DNMT1: variants seen among roughly 807,000 people sequenced by gnomAD.
DNMT1 encodes DNA methyltransferase 1.
In DNMT1, 24 loss-of-function variants were observed where a neutral mutation model predicts 205.3. The observed-to-expected ratio is 0.12, with a 90% CI of 0.08 to 0.16. The LOEUF is 0.16. Ranked by LOEUF, DNMT1 falls within the 10% of genes least tolerant of loss-of-function variation. DNMT1 has a pLI of 1.00. For synonymous variants in DNMT1, 817 were observed against 839.8 expected (o/e 0.97, Z 0.47); for missense variants, 1,293 against 2,177.7 (o/e 0.59, Z 8.09).
Position 10,159,826 on chromosome 19 carries a change from A to G in DNMT1, c.1170+16T>C, listed in dbSNP as rs776876831. The G allele has an allele frequency of 2.5e-6, 4 of 1,614,200 alleles. No individual in the cohort carries two copies. The highest frequency in any genetic ancestry group is 3.4e-6 in the Non-Finnish European group (4 of 1,180,034). On this transcript the variant is annotated intron_variant, in intron 16 of 40. Coordinates refer to ENST00000359526, the MANE Select transcript of DNMT1 (RefSeq NM_001130823.3). The surrounding 1 kb of genome is among the most constrained non-coding windows in gnomAD (Gnocchi z 5.0). The stretch of plus-strand genomic sequence containing the variant: ...AGGGACAGGCAGAGGAAGGCTGGGA[A>G]GAGAGCTGTACGTACCGCGTCTGGT...
chr19:10,136,980 G>T, intron 37 of DNMT1, 105 bp downstream of exon 37: 1 of 1,445,560 alleles, frequency 6.9e-7, no homozygotes, highest in Non-Finnish European at 9.5e-7. Context: ...ACCCAGGCTT[G>T]GTGTGTCTGT....
intron 22 of DNMT1, among the ~76,000 whole-genome samples, chr19:10,152,659 G>A (rs1416772490): frequency 6.6e-6 from 1 of 151,872 alleles, no homozygotes; most frequent in Non-Finnish European, 1.5e-5. Context: ...TACTTGGGAG[G>A]CTAAGGTGGG....
rs918984408 is a variant in DNMT1, at chr19:10,159,499, G to A, written c.1280+159C>T. On this transcript the variant is annotated intron_variant, in intron 17 of 40. Coordinates refer to ENST00000359526, the MANE Select transcript of DNMT1 (RefSeq NM_001130823.3). The surrounding 1 kb of genome is among the most constrained non-coding windows in gnomAD (Gnocchi z 5.0). ...GCTAGGATTACAGGCATGAGCCACCGCGCCCAGCCCTCCACGGTGGCTCTT... is the reference window on the plus strand; with the variant it reads ...GCTAGGATTACAGGCATGAGCCACCACGCCCAGCCCTCCACGGTGGCTCTT... 6.6e-5 allele frequency among the ~76,000 whole-genome samples: 10 copies of A among 152,120 alleles called. No individual in the cohort carries two copies. Among genetic ancestry groups the A allele is most frequent in the African/African-American group, 1.9e-4 (8 of 41,424 alleles).
chr19:10,188,416 T>C (rs1012499722), intron 1 of DNMT1, among the ~76,000 whole-genome samples: 2 of 152,126 alleles, frequency 1.3e-5, no homozygotes, highest in Non-Finnish European at 2.9e-5. Context: ...GGCTCACGCC[T>C]GTAATCCCAG....
intron 8 of DNMT1, among the ~76,000 whole-genome samples, 172 bp from the exon 9 acceptor site, chr19:10,173,346 C>T (rs898056897): frequency 7.2e-5 from 11 of 152,062 alleles, no homozygotes; most frequent in African/African-American, 2.4e-4. Context: ...ACACCTGGTT[C>T]GAATGCCAGC....
intron 1 of DNMT1, among the ~76,000 whole-genome samples, chr19:10,190,005 G>A (rs948471411): frequency 7.2e-5 from 11 of 152,070 alleles, no homozygotes; most frequent in Non-Finnish European, 1.0e-4. Context: ...TTAGCCATAC[G>A]GCTGGCAAGT....
At chr19:10,144,497 T>C (rs1280796014) in intron 28 of DNMT1, 2 of 196,854 alleles carry the variant, frequency 1.0e-5, no homozygotes, top group Non-Finnish European at 2.1e-5. Flanking sequence ...GCTACGGTGG[T>C]GGCTGACACT....
chr19:10,149,298 C>T (rs542077852), intron 26 of DNMT1, among the ~76,000 whole-genome samples, 155 bp downstream of exon 26: 36 of 149,802 alleles, frequency 2.4e-4, no homozygotes, highest in Admixed American at 2.1e-3. Context: ...GCACTCCAGC[C>T]TGGGCAACAA....
intron 11 of DNMT1, among the ~76,000 whole-genome samples, chr19:10,165,627 A>C (rs763712179): frequency 2.2e-4 from 33 of 152,116 alleles, no homozygotes; most frequent in South Asian, 4.1e-4. Context: ...TCCTGACCTC[A>C]AGTGATCCAC....
chr19:10,164,302 C>T (rs1452260330), intron 11 of DNMT1, among the ~76,000 whole-genome samples: 1 of 152,144 alleles, frequency 6.6e-6, no homozygotes, highest in African/African-American at 2.4e-5. Flanking sequence ...CGCCACCACA[C>T]CCAGCTAATT....
intron 1 of DNMT1, among the ~76,000 whole-genome samples, chr19:10,188,875 G>A (rs1159287597): frequency 6.6e-6 from 1 of 152,172 alleles, no homozygotes; most frequent in African/African-American, 2.4e-5. Flanking sequence ...TTTAGAACCA[G>A]TGAAGAAAAT....
At position 10,133,675 on chromosome 19, in the gene DNMT1, T is replaced by A; in HGVS notation, c.4891A>T (p.Lys1631Ter). Residue 1631 changes from lysine to a stop codon, truncating the protein, a stop_gained, in exon 41 of 41, where the codon AAG becomes TAG. Coordinates refer to ENST00000359526, the MANE Select transcript of DNMT1 (RefSeq NM_001130823.3). LOFTEE classifies it high-confidence loss of function. The surrounding 1 kb of genome is among the most constrained non-coding windows in gnomAD (Gnocchi z 4.1). ...SAKIKEEEAA[K>*]D ...GTGACGGGAGGGCAGAACTAGTCCT[T>A]AGCAGCTTCCTCCTCCTTTATTTTA... 1 of 1,599,342 alleles carries A rather than the reference T, an allele frequency of 6.3e-7. No individual in the cohort carries two copies.
At chr19:10,168,092 C>T (rs1256426766) in intron 10 of DNMT1, among the ~76,000 whole-genome samples, 1 of 151,972 alleles carries the variant, frequency 6.6e-6, no homozygotes, top group Non-Finnish European at 1.5e-5. Context: ...CACTGTACTC[C>T]AGCCTGGGTG....
chr19:10,183,645 G>A (rs887031881), intron 1 of DNMT1, among the ~76,000 whole-genome samples: 1 of 151,626 alleles, frequency 6.6e-6, no homozygotes, highest in Admixed American at 6.6e-5. Context: ...TGAGGGCCAA[G>A]GTGGGTGGAT....
At chr19:10,186,593 C>T (rs956769242) in intron 1 of DNMT1, among the ~76,000 whole-genome samples, 4 of 151,918 alleles carry the variant, frequency 2.6e-5, no homozygotes, top group African/African-American at 7.3e-5. Context: ...AATCCCAGCA[C>T]TTTGGGAGGC....
intron 10 of DNMT1, among the ~76,000 whole-genome samples, chr19:10,167,444 G>A (rs1413089071): frequency 6.6e-6 from 1 of 152,112 alleles, no homozygotes; most frequent in Non-Finnish European, 1.5e-5. Flanking sequence ...TGATCCACCC[G>A]CCTCAGCCTC....
At chr19:10,139,900 A>AAT (rs1325803693) in intron 33 of DNMT1, 83 bp from the exon 34 acceptor site, 1 of 1,566,100 alleles carries the variant, frequency 6.4e-7, no homozygotes, top group Non-Finnish European at 8.6e-7. Flanking sequence ...GCCCCTCACG[A>AAT]ATGTTATCAA....
chr19:10,138,061 C>T lies in DNMT1; in HGVS notation c.4116-52G>A. The T allele has an allele frequency of 6.4e-7, 1 of 1,570,428 alleles. No individual in the cohort carries two copies. The highest frequency in any genetic ancestry group is 8.6e-7 in the Non-Finnish European group (1 of 1,156,712). ...TCTGGAGATGCACGCAGCAGCTGTC[C>T]CCTCATCACAGGTGCCACCCCCTGC... is the stretch of plus-strand genomic sequence containing the variant. On this transcript the variant is annotated intron_variant, in intron 35 of 40. Coordinates refer to ENST00000359526, the MANE Select transcript of DNMT1 (RefSeq NM_001130823.3). This position sits in a 1 kb window ranked among gnomAD's most constrained non-coding sequence, Gnocchi z 4.1.
Position 10,148,877 on chromosome 19 carries a change from T to G in DNMT1, c.2720+7A>C. On this transcript the variant is annotated splice_region_variant and intron_variant, in intron 27 of 40. Transcript: ENST00000359526. ...CTGCTGACCCCGAGTCCAGCCCCAG[T>G]GCTCACTTGAACTTGTTGTCCTCTG... 1 of 1,614,040 alleles carries G rather than the reference T, an allele frequency of 6.2e-7. No individual in the cohort carries two copies. Among genetic ancestry groups the G allele is most frequent in the East Asian group, 2.2e-5 (1 of 44,888 alleles).
Sources: gnomAD v4.1 joint callset for allele counts (sites outside exome capture counted in the v4.1 genomes callset) on GRCh38, gnomAD v4.1.1 for gene constraint, Gnocchi (gnomAD v3.1) non-coding constraint, MANE v1.5 for transcripts, NCBI Gene and HGNC (gene_info 2026-07-23, HGNC 2026-07-21) for gene names.